The following POLR2F variants were observed in gnomAD, a reference collection of about 807,000 sequenced individuals.
POLR2F encodes RNA polymerase II, I and III subunit F, also known as DNA-directed RNA polymerases I, II, and III subunit RPABC2.
A neutral mutation model predicts 22.7 loss-of-function variants in POLR2F; 12 were observed. That is an observed-to-expected ratio of 0.53 (90% CI 0.34 to 0.86). The LOEUF (loss-of-function observed/expected upper bound fraction) is 0.86, where lower values mean the gene tolerates loss of function less well. Ranked by LOEUF, POLR2F falls within the 40% of genes least tolerant of loss-of-function variation. The pLI is 0.02. For synonymous variants in POLR2F, 57 were observed against 66.0 expected (o/e 0.86, Z 0.66); for missense variants, 126 against 171.5 (o/e 0.73, Z 1.48).
intron 1 of POLR2F, among the ~76,000 whole-genome samples, chr22:38,013,199 GCAGTGGCATGATCTTGGTTCACTGCAAC>G (rs1387731728): frequency 4.0e-5 from 6 of 151,354 alleles, no homozygotes; most frequent in Admixed American, 1.3e-4. Context: ...AGGCTGGAGT[GCAGTGGCATGATCTTGGTTCACTGCAAC>G]CTCTGCCTCC....
intron 1 of POLR2F, among the ~76,000 whole-genome samples, chr22:38,002,407 G>A (rs993486809): frequency 1.3e-5 from 2 of 152,152 alleles, no homozygotes; most frequent in Non-Finnish European, 2.9e-5. Flanking sequence ...GCAATGTGGG[G>A]TCAGTGGGAC....
rs571950623 is a variant in POLR2F, at chr22:38,037,827, G to A, written c.453-3241G>A. Among the ~76,000 whole-genome samples, 6 of 152,206 alleles carry A rather than the reference G, an allele frequency of 3.9e-5. No homozygotes were observed. The East Asian group carries it at 7.7e-4, about 20-fold the overall frequency. ...AGGATAGTCTTGATCTCCTGACCTC[G>A]TGATCCACCCACCTCGGCCTCCCAA... is the stretch of plus-strand genomic sequence containing the variant. On this transcript the variant is annotated intron_variant, in intron 5 of 5. Coordinates refer to the POLR2F transcript ENST00000407936.
At chr22:37,979,348 T>C (rs975745336) in intron 4 of POLR2F, among the ~76,000 whole-genome samples, 1 of 152,180 alleles carries the variant, frequency 6.6e-6, no homozygotes, top group African/African-American at 2.4e-5. Context: ...TCCACCCGCC[T>C]TGGCCTCCCA....
chr22:37,986,018 T>A, upstream of POLR2F: 1,804 of 778,224 alleles, frequency 2.3e-3, no homozygotes, highest in Middle Eastern at 7.0e-3. This position sits in a 1 kb window ranked among gnomAD's most constrained non-coding sequence, Gnocchi z 4.7. Context: ...CCAACCCTCC[T>A]CCCCCCGCCT....
At chr22:37,969,457 C>A, downstream of POLR2F, 1 of 314,404 alleles carries the variant, frequency 3.2e-6, no homozygotes, top group Non-Finnish European at 4.6e-6. Context: ...GCACACAACC[C>A]AGGTCTTCTG....
intron 2 of POLR2F, among the ~76,000 whole-genome samples, chr22:37,957,397 T>G (rs1931443387): frequency 6.6e-6 from 1 of 152,132 alleles, no homozygotes; most frequent in South Asian, 2.1e-4. Flanking sequence ...AGAAGGCAGA[T>G]AAAAGAGTTA....
At chr22:38,004,879 G>A (rs2084806438) in intron 1 of POLR2F, among the ~76,000 whole-genome samples, 2 of 152,196 alleles carry the variant, frequency 1.3e-5, no homozygotes, top group Non-Finnish European at 2.9e-5. Flanking sequence ...GGGTGGTAGA[G>A]GTTGCGGTGA....
rs2084919647 is a variant in POLR2F at position 38,016,795 on chromosome 22, A to G, written c.121-9074A>G. 6.6e-6 allele frequency among the ~76,000 whole-genome samples: 1 copy of G among 151,296 alleles called. No individual in the cohort carries two copies. Among genetic ancestry groups the G allele is most frequent in the South Asian group, 2.1e-4 (1 of 4,810 alleles). On this transcript the variant is annotated intron_variant, in intron 1 of 2. Transcript: ENST00000333418. This position sits in a 1 kb window ranked among gnomAD's most constrained non-coding sequence, Gnocchi z 4.4. ...CATTGTCCCCGCGCTTTTTGTTTCT[A>G]CTGTAATGACATGTTGGAATAGAGA...
intron 1 of POLR2F, chr22:37,987,053 T>A: frequency 4.4e-6 from 2 of 456,674 alleles, no homozygotes; most frequent in South Asian, 3.1e-5. Flanking sequence ...TGTGACCTCC[T>A]TACCCCACCC....
chr22:37,986,601 A>G lies in POLR2F; in HGVS notation c.120+289A>G, dbSNP rs1435030569. The G allele has an allele frequency of 1.4e-6, 1 of 692,418 alleles. No individual in the cohort carries two copies. Among genetic ancestry groups the G allele is most frequent in the Non-Finnish European group, 2.6e-6 (1 of 384,744 alleles). 42.9% of individuals were successfully genotyped at this position (692,418 alleles called of 1,614,324 possible). ...GAAGCCACGCTAGACAGAAGGGGCC[A>G]CTCCCTCTCTCTCTCCCTTGTCCCC... On this transcript the variant is annotated intron_variant, in intron 1 of 2. Coordinates refer to the POLR2F transcript ENST00000333418. This position sits in a 1 kb window ranked among gnomAD's most constrained non-coding sequence, Gnocchi z 4.7.
At chr22:37,984,120 TTGA>T (rs2145778457), upstream of POLR2F, 1 of 200,306 alleles carries the variant, frequency 5.0e-6, no homozygotes, top group East Asian at 1.2e-4. The surrounding 1 kb of genome is among the most constrained non-coding windows in gnomAD (Gnocchi z 4.4). Flanking sequence ...TGGAGGTTTG[TTGA>T]TGATAAGGAA....
chr22:37,990,309 C>G (rs1296098419), intron 1 of POLR2F, among the ~76,000 whole-genome samples: 1 of 152,218 alleles, frequency 6.6e-6, no homozygotes, highest in African/African-American at 2.4e-5. Flanking sequence ...AAGGCAGCTC[C>G]CGGGGTTGGA....
At chr22:38,010,687 GCTCACTGCAACCTCCGC>G (rs1391142230) in intron 1 of POLR2F, among the ~76,000 whole-genome samples, 4 of 144,518 alleles carry the variant, frequency 2.8e-5, no homozygotes, top group African/African-American at 7.9e-5. Flanking sequence ...CGCGATCTCG[GCTCACTGCAACCTCCGC>G]CTCCCAGGTT....
chr22:38,014,279 C>T (rs2084897022), intron 1 of POLR2F, among the ~76,000 whole-genome samples: 1 of 151,772 alleles, frequency 6.6e-6, no homozygotes, highest in Non-Finnish European at 1.5e-5. Flanking sequence ...GACAGTATTG[C>T]TTCTTCCTTT....
At chr22:37,988,606 G>A (rs1320448670) in intron 1 of POLR2F, among the ~76,000 whole-genome samples, 4 of 152,062 alleles carry the variant, frequency 2.6e-5, no homozygotes, top group Admixed American at 1.3e-4. Flanking sequence ...AGCCGAGATC[G>A]CACCACTGCA....
chr22:37,972,123 G>C (rs1207888670), downstream of POLR2F: 104 of 357,650 alleles, frequency 2.9e-4, 1 homozygote, highest in African/African-American at 1.1e-4. Context: ...AGGAGAGAAG[G>C]GAGGGGGGAG....
Position 37,978,170 on chromosome 22 carries a change from G to A in POLR2F, c.293+11000G>A, listed in dbSNP as rs1262898123. 1 of 1,500,158 alleles carries A rather than the reference G, an allele frequency of 6.7e-7. No homozygotes were observed. Among genetic ancestry groups the A allele is most frequent in the South Asian group, 1.3e-5 (1 of 76,890 alleles). 92.9% of individuals were successfully genotyped at this position (1,500,158 alleles called of 1,614,324 possible). ...GGTGGGAGGCGGAGAGGACAGCAGA[G>A]GGGCTGGCGTGAATGCCAGAGCACT... On this transcript the variant is annotated intron_variant, in intron 4 of 4. Transcript: ENST00000405557. The surrounding 1 kb of genome is among the most constrained non-coding windows in gnomAD (Gnocchi z 5.0).
chr22:37,985,951 G>A (rs1052315789), upstream of POLR2F: 7 of 819,988 alleles, frequency 8.5e-6, no homozygotes, highest in South Asian at 6.2e-5. Flanking sequence ...TCTTTCTCTC[G>A]CTTGCTGGCC....
At chr22:38,038,974 G>A (rs1312030383) in intron 5 of POLR2F, among the ~76,000 whole-genome samples, 6 of 152,080 alleles carry the variant, frequency 3.9e-5, no homozygotes, top group Non-Finnish European at 1.5e-5. Context: ...GGACGTTCGT[G>A]ACCCACCTTG....
Sources: gnomAD v4.1 joint callset for allele counts (sites outside exome capture counted in the v4.1 genomes callset) on GRCh38, gnomAD v4.1.1 for gene constraint, Gnocchi (gnomAD v3.1) non-coding constraint, MANE v1.5 for transcripts, NCBI Gene and HGNC (gene_info 2026-07-23, HGNC 2026-07-21) for gene names.